Variants in GRM1 observed in about 807,000 individuals in gnomAD.
The protein encoded by GRM1 is metabotropic glutamate receptor 1.
Under a neutral mutation model 90.9 loss-of-function variants are expected in GRM1, and 33 were observed. The observed-to-expected ratio is 0.36, with a 90% CI of 0.28 to 0.49. The LOEUF is 0.49. Ranked by LOEUF, GRM1 falls within the 20% of genes least tolerant of loss-of-function variation. The pLI, the probability that GRM1 is intolerant of heterozygous loss-of-function variation, is 0.99. For missense variants in GRM1, 1,190 were observed against 1,534.3 expected (o/e 0.78, Z 3.75); for synonymous variants, 700 against 613.2 (o/e 1.14, Z -2.09).
At chr6:146,189,280 C>T (rs1778850830) in intron 2 of GRM1, among the ~76,000 whole-genome samples, 1 of 152,120 alleles carries the variant, frequency 6.6e-6, no homozygotes, top group South Asian at 2.1e-4. Flanking sequence ...TCCTCAGTGA[C>T]CTGGCCTGCT....
chr6:146,191,296 AG>A (rs1328592388), intron 2 of GRM1, among the ~76,000 whole-genome samples: 2 of 152,100 alleles, frequency 1.3e-5, no homozygotes, highest in Non-Finnish European at 2.9e-5. Flanking sequence ...GGGTTCCTTG[AG>A]GGCAAGGACC....
intron 2 of GRM1, among the ~76,000 whole-genome samples, chr6:146,299,524 C>G (rs1165437131): frequency 6.6e-6 from 1 of 152,034 alleles, no homozygotes; most frequent in Non-Finnish European, 1.5e-5. Context: ...GAGGCAAGAC[C>G]CTTCTTAATA....
intron 7 of GRM1, among the ~76,000 whole-genome samples, chr6:146,411,024 T>C (rs1777547343): frequency 6.6e-6 from 1 of 152,188 alleles, no homozygotes; most frequent in Non-Finnish European, 1.5e-5. Context: ...TTCAAGCACC[T>C]AATTGTGTCA....
intron 6 of GRM1, 61 bp downstream of exon 6, chr6:146,387,077 C>T (rs1390232054): frequency 1.3e-6 from 2 of 1,496,492 alleles, no homozygotes; most frequent in East Asian, 2.3e-5. Context: ...ATGTGTCCAT[C>T]CCTCAAATGA....
intron 7 of GRM1, among the ~76,000 whole-genome samples, chr6:146,412,493 C>A (rs1486136587): frequency 6.6e-6 from 1 of 152,144 alleles, no homozygotes; most frequent in Non-Finnish European, 1.5e-5. Context: ...CCACATTCTG[C>A]TTATCACACT....
chr6:146,387,876 G>A (rs968688759), intron 6 of GRM1, among the ~76,000 whole-genome samples: 8 of 152,020 alleles, frequency 5.3e-5, no homozygotes, highest in Non-Finnish European at 1.0e-4. Flanking sequence ...CCGCATTTCT[G>A]GTATGCTTCT....
intron 2 of GRM1, among the ~76,000 whole-genome samples, chr6:146,244,244 A>G (rs1780973108): frequency 6.6e-6 from 1 of 152,208 alleles, no homozygotes; most frequent in South Asian, 2.1e-4. Flanking sequence ...TCACAAGAGT[A>G]TTGATTAGGG....
At chr6:146,288,976 T>A (rs1782875804) in intron 2 of GRM1, among the ~76,000 whole-genome samples, 1 of 152,214 alleles carries the variant, frequency 6.6e-6, no homozygotes, top group African/African-American at 2.4e-5. Flanking sequence ...TACTGCACTG[T>A]CAATTGTATA....
intron 1 of GRM1, among the ~76,000 whole-genome samples, chr6:146,089,407 C>A (rs1776645527): frequency 6.6e-6 from 1 of 152,024 alleles, no homozygotes; most frequent in African/African-American, 2.4e-5. Context: ...CCTTATAAGG[C>A]CCTAAGCAGA....
chr6:146,038,716 A>G (rs1055994383), intron 1 of GRM1, among the ~76,000 whole-genome samples: 1 of 150,336 alleles, frequency 6.7e-6, no homozygotes, highest in African/African-American at 2.5e-5. Flanking sequence ...ATTGGACAGC[A>G]TATTCCACAG....
At chr6:146,184,094 C>T (rs1778640203) in intron 2 of GRM1, among the ~76,000 whole-genome samples, 1 of 152,054 alleles carries the variant, frequency 6.6e-6, no homozygotes, top group Non-Finnish European at 1.5e-5. Context: ...TCACCTCGGA[C>T]ATATAATAGC....
intron 2 of GRM1, among the ~76,000 whole-genome samples, chr6:146,218,703 T>C (rs1779955929): frequency 6.6e-6 from 1 of 152,196 alleles, no homozygotes; most frequent in Non-Finnish European, 1.5e-5. Flanking sequence ...AAACGTCAGC[T>C]TCTGTGAATA....
At chr6:146,071,473 C>T (rs897216665) in intron 1 of GRM1, among the ~76,000 whole-genome samples, 6 of 152,176 alleles carry the variant, frequency 3.9e-5, no homozygotes, top group Non-Finnish European at 8.8e-5. Context: ...TATATCTTCA[C>T]TTACTTAGGC....
intron 7 of GRM1, among the ~76,000 whole-genome samples, chr6:146,429,017 T>A (rs539532474): frequency 2.6e-5 from 4 of 152,316 alleles, no homozygotes; most frequent in African/African-American, 9.6e-5. Flanking sequence ...AAGGGCAAAC[T>A]GATTTTCTTT....
At chr6:146,266,753 G>C (rs1250090702) in intron 2 of GRM1, among the ~76,000 whole-genome samples, 1 of 152,208 alleles carries the variant, frequency 6.6e-6, no homozygotes, top group Non-Finnish European at 1.5e-5. Flanking sequence ...AAGGGCTCTG[G>C]CTAGAAAACA....
intron 2 of GRM1, among the ~76,000 whole-genome samples, chr6:146,255,986 C>T (rs1373938708): frequency 1.3e-5 from 2 of 152,202 alleles, no homozygotes; most frequent in African/African-American, 4.8e-5. Flanking sequence ...GGTGCTTTGA[C>T]TCAAGCTGTA....
chr6:146,248,379 C>T (rs1781149811), intron 2 of GRM1, among the ~76,000 whole-genome samples: 1 of 152,138 alleles, frequency 6.6e-6, no homozygotes, highest in African/African-American at 2.4e-5. Context: ...GAGGGAGGGA[C>T]CTAGTAGGAG....
At chr6:146,180,612 A>C (rs1778515235) in intron 2 of GRM1, among the ~76,000 whole-genome samples, 1 of 152,160 alleles carries the variant, frequency 6.6e-6, no homozygotes, top group Non-Finnish European at 1.5e-5. Context: ...TCTTTGTCAT[A>C]TAGGTTTTGC....
chr6:146,047,127 A>G (rs1791361105), intron 1 of GRM1, among the ~76,000 whole-genome samples: 1 of 152,014 alleles, frequency 6.6e-6, no homozygotes, highest in South Asian at 2.1e-4. Flanking sequence ...GCTGGTTGGA[A>G]AAGCGGACCC....
Sources: allele counts gnomAD v4.1 joint callset (sites outside exome capture counted in the v4.1 genomes callset), GRCh38; gene constraint gnomAD v4.1.1; transcripts MANE v1.5; gene names NCBI Gene and HGNC (gene_info 2026-07-23, HGNC 2026-07-21).